Variants in PTPRD observed in about 807,000 individuals in gnomAD.
PTPRD encodes receptor-type tyrosine-protein phosphatase delta.
In PTPRD, 34 loss-of-function variants were observed where a neutral mutation model predicts 214.5. The observed-to-expected ratio is 0.16, with a 90% confidence interval of 0.12 to 0.21. PTPRD has a LOEUF of 0.21. Among genes scored for constraint, PTPRD ranks in the 10% least tolerant of loss-of-function variants. The pLI is 1.00. For missense variants in PTPRD, 2,545 were observed against 2,398.7 expected (o/e 1.06, Z -1.27); for synonymous variants, 1,128 against 845.7 (o/e 1.33, Z -5.79).
chr9:9,915,778 G>T (rs936058229), intron 5 of PTPRD, among the ~76,000 whole-genome samples: 1 of 151,862 alleles, frequency 6.6e-6, no homozygotes, highest in Non-Finnish European at 1.5e-5. Context: ...AAGCATTCAA[G>T]AAAAAAGGTG....
chr9:8,721,151 G>T (rs987314318), intron 12 of PTPRD, among the ~76,000 whole-genome samples: 1 of 151,826 alleles, frequency 6.6e-6, no homozygotes, highest in African/African-American at 2.4e-5. Context: ...TAAACTGGCT[G>T]GGCGTAGTGG....
At chr9:9,978,152 G>A (rs972096866) in intron 4 of PTPRD, among the ~76,000 whole-genome samples, 1 of 151,866 alleles carries the variant, frequency 6.6e-6, no homozygotes, top group Non-Finnish European at 1.5e-5. Context: ...AAATGTGTAA[G>A]AGTGATTCAG....
chr9:8,924,095 C>T (rs1327219813), intron 11 of PTPRD, among the ~76,000 whole-genome samples: 1 of 140,028 alleles, frequency 7.1e-6, no homozygotes, highest in Non-Finnish European at 1.5e-5. Context: ...TATTTGTCTT[C>T]ATAAGGCGCA....
intron 5 of PTPRD, among the ~76,000 whole-genome samples, chr9:9,910,286 A>C (rs920034711): frequency 1.3e-5 from 2 of 152,010 alleles, no homozygotes; most frequent in African/African-American, 4.8e-5. Flanking sequence ...GACATAGTTT[A>C]TGAACATTTT....
intron 8 of PTPRD, among the ~76,000 whole-genome samples, chr9:9,423,024 C>A (rs1029239452): frequency 7.9e-5 from 12 of 152,134 alleles, no homozygotes; most frequent in African/African-American, 2.9e-4. Flanking sequence ...GAAACCAGAA[C>A]AAAGCTGAGT....
chr9:8,954,456 T>C (rs1021800662), intron 11 of PTPRD, among the ~76,000 whole-genome samples: 1 of 151,756 alleles, frequency 6.6e-6, no homozygotes, highest in Admixed American at 6.6e-5. Flanking sequence ...AAATATACCT[T>C]TGTAACAAAC....
chr9:10,189,142 AT>A (rs1364807785), intron 3 of PTPRD, among the ~76,000 whole-genome samples: 1 of 152,130 alleles, frequency 6.6e-6, no homozygotes, highest in African/African-American at 2.4e-5. Context: ...AGTTCTATGA[AT>A]AAATGCTTTG....
intron 3 of PTPRD, among the ~76,000 whole-genome samples, chr9:10,151,609 A>G (rs1312441768): frequency 6.6e-6 from 1 of 152,116 alleles, no homozygotes; most frequent in African/African-American, 2.4e-5. Flanking sequence ...TTTAACTTAC[A>G]TACAGAAAGT....
chr9:10,097,917 T>C (rs1322772742), intron 3 of PTPRD, among the ~76,000 whole-genome samples: 1 of 151,810 alleles, frequency 6.6e-6, no homozygotes, highest in Non-Finnish European at 1.5e-5. Flanking sequence ...AGTTCAACCA[T>C]TGTGGAAGTC....
chr9:9,673,219 T>C (rs890863121), intron 7 of PTPRD, among the ~76,000 whole-genome samples: 2 of 151,986 alleles, frequency 1.3e-5, no homozygotes, highest in Non-Finnish European at 2.9e-5. Context: ...CAATTGTTTA[T>C]GTGTTGATTT....
chr9:9,672,056 T>C (rs567014205), intron 7 of PTPRD, among the ~76,000 whole-genome samples: 18 of 152,330 alleles, frequency 1.2e-4, no homozygotes, highest in Non-Finnish European at 2.4e-4. Context: ...TTATAGTCAC[T>C]GTATCTGCTG....
chr9:9,887,353 G>C (rs1168864057), intron 5 of PTPRD, among the ~76,000 whole-genome samples: 1 of 152,098 alleles, frequency 6.6e-6, no homozygotes, highest in Non-Finnish European at 1.5e-5. Context: ...TCAAGAGAAA[G>C]AGCTATTCTC....
intron 12 of PTPRD, among the ~76,000 whole-genome samples, chr9:8,663,872 AC>A (rs1456500837): frequency 6.6e-6 from 1 of 151,060 alleles, no homozygotes; most frequent in African/African-American, 2.5e-5. Flanking sequence ...TGTAGATATT[AC>A]CAATTAAGTC....
rs143905540 is a variant in PTPRD at position 10,003,900 on chromosome 9, G to A, written c.-472+29818C>T. Among the ~76,000 whole-genome samples the A allele has an allele frequency of 3.4e-3, 508 of 151,570 alleles. 1 individual carries two copies. The highest frequency in any genetic ancestry group is 0.011 in the African/African-American group (457 of 41,422). The stretch of plus-strand genomic sequence containing the variant: ...GACATACCCGATTTATTTGCTTACA[G>A]ACCCTAATACAAATTATTCAAAATT... On this transcript the variant is annotated intron_variant, in intron 4 of 45. Transcript: ENST00000381196.
At chr9:9,384,461 C>A (rs1005645499) in intron 9 of PTPRD, among the ~76,000 whole-genome samples, 4 of 139,768 alleles carry the variant, frequency 2.9e-5, no homozygotes, top group African/African-American at 7.9e-5. Context: ...ACACTAATCA[C>A]CTGGTATGTT....
At chr9:9,928,604 A>T (rs1166221750) in intron 5 of PTPRD, among the ~76,000 whole-genome samples, 1 of 152,184 alleles carries the variant, frequency 6.6e-6, no homozygotes, top group Admixed American at 6.5e-5. Context: ...ATTAACATGG[A>T]AAAATCCATT....
intron 3 of PTPRD, among the ~76,000 whole-genome samples, chr9:10,326,607 ATTAAT>A (rs1174802751): frequency 6.6e-6 from 1 of 151,680 alleles, no homozygotes; most frequent in Non-Finnish European, 1.5e-5. Flanking sequence ...TTTATTGAAT[ATTAAT>A]TATGAAAATA....
intron 11 of PTPRD, among the ~76,000 whole-genome samples, chr9:8,834,662 G>C (rs565876482): frequency 2.0e-4 from 31 of 152,098 alleles, no homozygotes; most frequent in African/African-American, 3.9e-4. Context: ...TACTCATATT[G>C]TTCCTATTTC....
chr9:10,428,509 T>C (rs1430025401), intron 2 of PTPRD, among the ~76,000 whole-genome samples: 3 of 152,082 alleles, frequency 2.0e-5, no homozygotes, highest in East Asian at 3.9e-4. Context: ...TTGATACCTA[T>C]GTTTACTTTA....
Sources: gnomAD v4.1 joint callset for allele counts (sites outside exome capture counted in the v4.1 genomes callset) on GRCh38, gnomAD v4.1.1 for gene constraint, MANE v1.5 for transcripts, NCBI Gene and HGNC (gene_info 2026-07-23, HGNC 2026-07-21) for gene names.